The following KCNIP3 variants were observed in gnomAD, a reference collection of about 807,000 sequenced individuals.
The protein encoded by KCNIP3 is potassium voltage-gated channel interacting protein 3.
KCNIP3 carries 28 observed loss-of-function variants against 35.0 expected under a neutral mutation model. The observed-to-expected ratio is 0.80, with a 90% CI of 0.59 to 1.10. KCNIP3 has a LOEUF of 1.10. Ranked by LOEUF, KCNIP3 falls within the 50% of genes least tolerant of loss-of-function variation. The pLI is 0.00. For missense variants in KCNIP3, 295 were observed against 338.4 expected, an observed-to-expected ratio of 0.87 and a Z score of 1.01; for synonymous variants, 134 against 133.8, an observed-to-expected ratio of 1.00 and a Z score of -0.01.
At chr2:95,369,539 C>T (rs1171107388) in intron 2 of KCNIP3, among the ~76,000 whole-genome samples, 2 of 152,086 alleles carry the variant, frequency 1.3e-5, no homozygotes, top group African/African-American at 2.4e-5. Context: ...CCCTTTTTAT[C>T]CTTTTAATGT....
chr2:95,372,819 G>A (rs970899808), intron 2 of KCNIP3, among the ~76,000 whole-genome samples: 9 of 152,352 alleles, frequency 5.9e-5, no homozygotes, highest in African/African-American at 1.2e-4. Flanking sequence ...GGGAAGGATG[G>A]TATGAAATAG....
intron 2 of KCNIP3, among the ~76,000 whole-genome samples, chr2:95,338,250 C>T (rs1679110201): frequency 6.6e-6 from 1 of 152,222 alleles, no homozygotes; most frequent in Non-Finnish European, 1.5e-5. Context: ...CTCAGTTTCT[C>T]CACCTTAGAC....
chr2:95,341,373 T>C (rs1305862426), intron 2 of KCNIP3, among the ~76,000 whole-genome samples: 1 of 152,200 alleles, frequency 6.6e-6, no homozygotes, highest in Non-Finnish European at 1.5e-5. Flanking sequence ...GAGATGAATA[T>C]ACCTCTTTTC....
chr2:95,316,761 G>T (rs1038598205), intron 2 of KCNIP3, among the ~76,000 whole-genome samples: 1 of 152,142 alleles, frequency 6.6e-6, no homozygotes, highest in Admixed American at 6.5e-5. Context: ...TCAGCTGGGC[G>T]CATTTCCATC....
chr2:95,299,691 A>G (rs1677972511), intron 1 of KCNIP3, among the ~76,000 whole-genome samples: 1 of 152,252 alleles, frequency 6.6e-6, no homozygotes, highest in Non-Finnish European at 1.5e-5. Context: ...TTCACAGCTC[A>G]GCCCGTGCAC....
At chr2:95,306,964 C>T (rs903422764) in intron 1 of KCNIP3, among the ~76,000 whole-genome samples, 3 of 152,256 alleles carry the variant, frequency 2.0e-5, no homozygotes, top group Non-Finnish European at 4.4e-5. Context: ...CTCCCGCCTC[C>T]CCAGCAGCCT....
intron 1 of KCNIP3, 39 bp downstream of exon 1, chr2:95,297,492 G>C: frequency 7.9e-7 from 1 of 1,259,220 alleles, no homozygotes; most frequent in Non-Finnish European, 1.1e-6. Flanking sequence ...CTGGAGGGGG[G>C]TCGGGGGGAG....
At chr2:95,374,733 G>A (rs1680130767) in intron 3 of KCNIP3, 115 bp from the exon 4 acceptor site, 7 of 1,251,788 alleles carry the variant, frequency 5.6e-6, no homozygotes, top group Non-Finnish European at 7.9e-6. Context: ...CCCCAGCAGT[G>A]CCACAGGCAG....
chr2:95,369,249 G>T (rs1679986461), intron 2 of KCNIP3, among the ~76,000 whole-genome samples: 1 of 152,124 alleles, frequency 6.6e-6, no homozygotes, highest in Non-Finnish European at 1.5e-5. Context: ...GACTATTAAT[G>T]TGGTGGATTA....
intron 2 of KCNIP3, among the ~76,000 whole-genome samples, chr2:95,321,040 CAGCCTCTCCTCCCCACACCCCA>C (rs1394952538): frequency 8.3e-5 from 12 of 144,880 alleles, no homozygotes; most frequent in Non-Finnish European, 1.7e-4. Flanking sequence ...CCCACACCCC[CAGCCTCTCCTCCCCACACCCCA>C]AGCCTCTCCT....
chr2:95,327,153 C>T (rs568567162), intron 2 of KCNIP3, among the ~76,000 whole-genome samples: 1 of 152,268 alleles, frequency 6.6e-6, no homozygotes, highest in South Asian at 2.1e-4. Flanking sequence ...TAGCTCCATT[C>T]TAGGAACCCT....
chr2:95,330,407 G>C (rs893761440), intron 2 of KCNIP3, among the ~76,000 whole-genome samples: 9 of 152,196 alleles, frequency 5.9e-5, no homozygotes, highest in African/African-American at 2.2e-4. Context: ...TGGAGTCTAG[G>C]GGACTGCGTT....
At chr2:95,315,941 G>A (rs1419672882) in intron 2 of KCNIP3, among the ~76,000 whole-genome samples, 1 of 152,234 alleles carries the variant, frequency 6.6e-6, no homozygotes, top group Non-Finnish European at 1.5e-5. Context: ...TACCAGTGGG[G>A]CTGGGCGAGA....
At chr2:95,325,050 T>C (rs992102369) in intron 2 of KCNIP3, among the ~76,000 whole-genome samples, 1 of 152,198 alleles carries the variant, frequency 6.6e-6, no homozygotes, top group Non-Finnish European at 1.5e-5. Flanking sequence ...AGTCCCTTGC[T>C]GGCTGAGCGA....
chr2:95,313,358 T>C (rs1237441430), intron 2 of KCNIP3: 1 of 152,366 alleles, frequency 6.6e-6, no homozygotes, highest in African/African-American at 2.4e-5. Flanking sequence ...TGGCCAATTC[T>C]GGGTGTGAAG....
chr2:95,377,100 G>T lies in KCNIP3; in HGVS notation c.447+1892G>T, dbSNP rs185426215. Reference sequence around the variant, plus strand: ...TGCTCCCATCCCCACGGACCTTCTGGGATTTGCCAGCAGCAGGGAGCCCCA... The same window carrying T: ...TGCTCCCATCCCCACGGACCTTCTGTGATTTGCCAGCAGCAGGGAGCCCCA... On this transcript the variant is annotated intron_variant, in intron 5 of 8. Coordinates refer to ENST00000295225, the MANE Select transcript of KCNIP3 (RefSeq NM_013434.5). The surrounding 1 kb of genome is among the most constrained non-coding windows in gnomAD (Gnocchi z 4.7). Among the ~76,000 whole-genome samples the T allele has an allele frequency of 2.8e-4, 43 of 152,306 alleles. 1 individual carries two copies. Among genetic ancestry groups the T allele is most frequent in the Admixed American group, 2.5e-3 (39 of 15,304 alleles).
chr2:95,328,228 C>T (rs769396782), intron 2 of KCNIP3, among the ~76,000 whole-genome samples: 7 of 152,210 alleles, frequency 4.6e-5, no homozygotes, highest in African/African-American at 1.7e-4. Flanking sequence ...CCCCCTCCCC[C>T]GGCCCCTCTG....
At chr2:95,310,693 C>A in intron 2 of KCNIP3, 173 bp downstream of exon 2, 1 of 704,124 alleles carries the variant, frequency 1.4e-6, no homozygotes, top group Non-Finnish European at 2.4e-6. Context: ...TCATTGAGTG[C>A]CTGCTTCACA....
intron 5 of KCNIP3, 103 bp from the exon 6 acceptor site, chr2:95,381,493 G>C (rs1403835849): frequency 2.6e-6 from 2 of 783,476 alleles, no homozygotes; most frequent in African/African-American, 3.4e-5. Context: ...GGGAGGCTCT[G>C]TGCCTGTTGG....
Sources: gnomAD v4.1 joint callset for allele counts (sites outside exome capture counted in the v4.1 genomes callset) on GRCh38, gnomAD v4.1.1 for gene constraint, Gnocchi (gnomAD v3.1) non-coding constraint, MANE v1.5 for transcripts, NCBI Gene and HGNC (gene_info 2026-07-23, HGNC 2026-07-21) for gene names.